GOLM1: variants seen among roughly 807,000 people sequenced by gnomAD.
GOLM1 encodes golgi membrane protein 1, also known as epididymis luminal protein 46.
A neutral mutation model predicts 50.5 loss-of-function variants in GOLM1; 31 were observed. The observed-to-expected ratio is 0.61, with a 90% CI of 0.46 to 0.83. The LOEUF is 0.83. GOLM1 is among the 40% of genes least tolerant of loss of function. GOLM1 has a pLI of 0.00. For synonymous variants in GOLM1, 178 were observed against 192.8 expected (o/e 0.92, Z 0.64); for missense variants, 491 against 501.3 (o/e 0.98, Z 0.20).
chr9:86,070,313 C>T (rs1230173693), intron 3 of GOLM1, among the ~76,000 whole-genome samples: 1 of 152,186 alleles, frequency 6.6e-6, no homozygotes. Flanking sequence ...GTGGGTCATG[C>T]CTCTAATCCC....
At chr9:86,045,455 C>CT (rs1402245313) in intron 5 of GOLM1, among the ~76,000 whole-genome samples, 2 of 151,996 alleles carry the variant, frequency 1.3e-5, no homozygotes, top group African/African-American at 4.8e-5. Context: ...GGTGGATCAC[C>CT]TGAGGTCAGG....
intron 6 of GOLM1, 179 bp from the exon 7 acceptor site, chr9:86,036,686 A>G: frequency 3.2e-6 from 2 of 624,904 alleles, no homozygotes; most frequent in South Asian, 4.3e-5. Context: ...AAATCAGAAG[A>G]CAAGAGGTTG....
At chr9:86,060,880 A>C (rs1248432494) in intron 3 of GOLM1, among the ~76,000 whole-genome samples, 1 of 68,820 alleles carries the variant, frequency 1.5e-5, no homozygotes, top group Non-Finnish European at 2.3e-5. Flanking sequence ...CTCTCTCAAA[A>C]AAAAAAAAAA....
intron 3 of GOLM1, among the ~76,000 whole-genome samples, chr9:86,057,953 A>G (rs1039458421): frequency 6.6e-6 from 1 of 152,344 alleles, no homozygotes; most frequent in Admixed American, 6.5e-5. Context: ...TTCAGCCTTA[A>G]AAAGGACCCT....
At position 86,030,571 on chromosome 9, in the gene GOLM1, A is replaced by C. The variant is rs1006028371; in HGVS notation, c.1130-2678T>G. Among the ~76,000 whole-genome samples, 3 of 152,338 alleles carry C rather than the reference A, an allele frequency of 2.0e-5. No individual in the cohort carries two copies. In the South Asian group the frequency reaches 6.2e-4, roughly 32 times the overall value. ...AATAACTGAGCCACTACCCTTCAAAAAAGACCAACAACATAAATGATAAAC... is the reference window on the plus strand; with the variant it reads ...AATAACTGAGCCACTACCCTTCAAACAAGACCAACAACATAAATGATAAAC... On this transcript the variant is annotated intron_variant, in intron 9 of 9. Transcript: ENST00000388712.
At chr9:86,051,270 T>A (rs1489771819) in intron 4 of GOLM1, among the ~76,000 whole-genome samples, 1 of 152,160 alleles carries the variant, frequency 6.6e-6, no homozygotes, top group South Asian at 2.1e-4. Flanking sequence ...TGCTGAGGAG[T>A]GCTTTACTTC....
intron 1 of GOLM1, among the ~76,000 whole-genome samples, chr9:86,093,663 AATT>A (rs1835257245): frequency 6.6e-6 from 1 of 152,178 alleles, no homozygotes; most frequent in Non-Finnish European, 1.5e-5. Flanking sequence ...TATTGGTTAA[AATT>A]ATTATTTGCT....
intron 1 of GOLM1, among the ~76,000 whole-genome samples, chr9:86,092,300 A>G (rs1835209038): frequency 6.6e-6 from 1 of 152,222 alleles, no homozygotes; most frequent in Admixed American, 6.5e-5. Flanking sequence ...TTTCCATTTT[A>G]TGAGGAAACA....
intron 1 of GOLM1, 46 bp from the exon 2 acceptor site, chr9:86,079,387 A>T (rs1834719631): frequency 2.1e-6 from 3 of 1,444,636 alleles, no homozygotes; most frequent in Non-Finnish European, 1.9e-6. Flanking sequence ...TAGTTTTATC[A>T]TCTCCGAAGC....
chr9:86,036,025 C>T (rs1833131056), intron 7 of GOLM1, among the ~76,000 whole-genome samples: 1 of 152,046 alleles, frequency 6.6e-6, no homozygotes, highest in South Asian at 2.1e-4. Flanking sequence ...GGCTTGCTCA[C>T]AGACACAGCA....
At chr9:86,063,171 C>T (rs1024310979) in intron 3 of GOLM1, among the ~76,000 whole-genome samples, 3 of 152,206 alleles carry the variant, frequency 2.0e-5, no homozygotes, top group African/African-American at 4.8e-5. Context: ...GCTCCAGCTC[C>T]GTTTTTAGAG....
At chr9:86,090,483 G>GCCGAGCTGCAGTGGGCTCTA (rs1443822356) in intron 1 of GOLM1, among the ~76,000 whole-genome samples, 3 of 152,156 alleles carry the variant, frequency 2.0e-5, no homozygotes, top group Admixed American at 6.5e-5. Flanking sequence ...CAGTGGCTTT[G>GCCGAGCTGCAGTGGGCTCTA]CCGAGCTGCA....
At chr9:86,053,589 C>A (rs11141201) in intron 3 of GOLM1, among the ~76,000 whole-genome samples, 2 of 1,664 alleles carry the variant, frequency 1.2e-3, no homozygotes, top group African/African-American at 3.6e-3. Context: ...CCACACACCA[C>A]ACCACTCCAC....
At chr9:86,044,061 G>A (rs2118688194) in intron 5 of GOLM1, among the ~76,000 whole-genome samples, 1 of 152,218 alleles carries the variant, frequency 6.6e-6, no homozygotes, top group African/African-American at 2.4e-5. Context: ...TATGTTTTAG[G>A]CCAGATAAAA....
intron 1 of GOLM1, among the ~76,000 whole-genome samples, chr9:86,098,675 T>C (rs1835426787): frequency 1.3e-5 from 2 of 152,292 alleles, no homozygotes; most frequent in African/African-American, 4.8e-5. Context: ...ATTGTTATTC[T>C]TCACATTTTG....
intron 6 of GOLM1, among the ~76,000 whole-genome samples, chr9:86,039,205 T>G (rs1185783264): frequency 6.6e-6 from 1 of 152,170 alleles, no homozygotes; most frequent in African/African-American, 2.4e-5. Context: ...ATGCTGAATA[T>G]CATCAGGGAT....
intron 5 of GOLM1, 88 bp from the exon 6 acceptor site, chr9:86,040,956 A>G: frequency 7.7e-7 from 1 of 1,296,852 alleles, no homozygotes; most frequent in Non-Finnish European, 1.1e-6. Context: ...AGAGACACAG[A>G]CCCTCTTCCT....
In GOLM1 at chr9:86,056,652, C is replaced by CCCA. The variant is rs771249577; in HGVS notation, c.310-4062_310-4061insTGG. Reference sequence around the variant, plus strand: ...TCCTGAGTAGCTGGGACTACAGGCGCCCGCCACCACGCCTGGCTAATTTTT... The same window carrying CCCA: ...TCCTGAGTAGCTGGGACTACAGGCGCCCACCGCCACCACGCCTGGCTAATTTTT... On this transcript the variant is annotated intron_variant, in intron 3 of 9. Coordinates refer to ENST00000388712, the MANE Select transcript of GOLM1 (RefSeq NM_016548.4). Among the ~76,000 whole-genome samples, 54 of 151,664 alleles carry CCCA rather than the reference C, an allele frequency of 3.6e-4. No homozygotes were observed. The East Asian group carries it at 9.9e-3, about 28-fold the overall frequency.
At chr9:86,081,183 C>T (rs916532377) in intron 1 of GOLM1, among the ~76,000 whole-genome samples, 2 of 150,536 alleles carry the variant, frequency 1.3e-5, no homozygotes, top group Admixed American at 6.7e-5. Context: ...CCAGTGCACC[C>T]AGCCTCAATG....
Sources: allele counts gnomAD v4.1 joint callset (sites outside exome capture counted in the v4.1 genomes callset), GRCh38; gene constraint gnomAD v4.1.1; transcripts MANE v1.5; gene names NCBI Gene and HGNC (gene_info 2026-07-23, HGNC 2026-07-21).